The following VRK2 variants were observed in gnomAD, a reference collection of about 807,000 sequenced individuals.
VRK2 encodes the protein serine/threonine-protein kinase VRK2.
VRK2 carries 60 observed loss-of-function variants against 57.6 expected under a neutral mutation model. The ratio of observed to expected loss-of-function variants is 1.04; its 90% CI spans 0.85 to 1.29. The LOEUF (loss-of-function observed/expected upper bound fraction) is 1.29, where lower values mean the gene tolerates loss of function less well. Among genes scored for constraint, VRK2 ranks in the 50% most tolerant of loss-of-function variants. The pLI is 0.00. For missense variants in VRK2, 705 were observed against 588.1 expected (o/e 1.20, Z -2.06); for synonymous variants, 231 against 199.2 (o/e 1.16, Z -1.35).
intron 1 of VRK2, among the ~76,000 whole-genome samples, chr2:57,951,462 T>C (rs1055605321): frequency 3.9e-5 from 6 of 152,218 alleles, no homozygotes; most frequent in Admixed American, 2.6e-4. Flanking sequence ...ACTTAGTTTA[T>C]AAAGTAGCAG....
upstream of VRK2, among the ~76,000 whole-genome samples, chr2:58,043,930 T>A (rs1558557129): frequency 6.6e-6 from 1 of 152,214 alleles, no homozygotes; most frequent in Non-Finnish European, 1.5e-5. Context: ...GAAGTTAAAT[T>A]GTCAATTTCT....
chr2:57,964,879 C>CAAA (rs540446220), intron 1 of VRK2, among the ~76,000 whole-genome samples: 11 of 47,862 alleles, frequency 2.3e-4, no homozygotes, highest in Non-Finnish European at 2.9e-4. Context: ...GAATCCATCT[C>CAAA]AAAAAAAAAA....
At chr2:57,923,390 T>G (rs1670419705) in intron 1 of VRK2, among the ~76,000 whole-genome samples, 1 of 152,068 alleles carries the variant, frequency 6.6e-6, no homozygotes, top group East Asian at 1.9e-4. Flanking sequence ...CACCAGTATT[T>G]GTTATTTCCT....
At chr2:58,030,936 C>G (rs891436286) in intron 2 of VRK2, among the ~76,000 whole-genome samples, 1 of 151,988 alleles carries the variant, frequency 6.6e-6, no homozygotes, top group African/African-American at 2.4e-5. Flanking sequence ...TGTGAGGAAG[C>G]CAAGCTATGC....
chr2:58,048,061 C>T (rs980444739), intron 1 of VRK2, among the ~76,000 whole-genome samples: 3 of 152,138 alleles, frequency 2.0e-5, no homozygotes, highest in Non-Finnish European at 2.9e-5. Context: ...TCTCTTTTAA[C>T]TCAGAATTTC....
upstream of VRK2, chr2:58,046,640 G>A: frequency 1.0e-6 from 1 of 985,576 alleles, no homozygotes; most frequent in Non-Finnish European, 1.2e-6. Flanking sequence ...CGTCTCCGGG[G>A]CGTGGACAGG....
chr2:58,027,279 A>T (rs1316945783), intron 2 of VRK2, among the ~76,000 whole-genome samples: 1 of 152,048 alleles, frequency 6.6e-6, no homozygotes, highest in East Asian at 1.9e-4. Context: ...TCCAGGGACT[A>T]AATGCCTTGC....
chr2:57,911,010 G>T (rs1669969294), intron 1 of VRK2, among the ~76,000 whole-genome samples: 1 of 151,256 alleles, frequency 6.6e-6, no homozygotes, highest in Non-Finnish European at 1.5e-5. Context: ...GGGTCAGACA[G>T]ACTTGAGTTC....
At chr2:57,971,739 T>C (rs963069013) in intron 1 of VRK2, among the ~76,000 whole-genome samples, 1 of 151,814 alleles carries the variant, frequency 6.6e-6, no homozygotes, top group Non-Finnish European at 1.5e-5. Context: ...TGATATTATA[T>C]TATTTTTTCA....
chr2:58,036,310 C>G (rs1674271833), intron 3 of VRK2, among the ~76,000 whole-genome samples: 1 of 151,654 alleles, frequency 6.6e-6, no homozygotes, highest in Non-Finnish European at 1.5e-5. Context: ...AATATATATT[C>G]CTTTAAACTA....
intron 1 of VRK2, among the ~76,000 whole-genome samples, chr2:57,976,526 C>T (rs940641056): frequency 6.6e-6 from 1 of 151,982 alleles, no homozygotes; most frequent in Admixed American, 6.6e-5. Flanking sequence ...AGAAGTATCT[C>T]TTCATGCCAG....
chr2:58,115,475 C>T (rs1247476465), intron 7 of VRK2, among the ~76,000 whole-genome samples: 5 of 152,112 alleles, frequency 3.3e-5, no homozygotes, highest in African/African-American at 4.8e-5. Flanking sequence ...TTTTTAGGGC[C>T]TCTAACAGTA....
intron 1 of VRK2, among the ~76,000 whole-genome samples, chr2:58,001,077 T>C (rs967261638): frequency 6.6e-6 from 1 of 152,220 alleles, no homozygotes; most frequent in East Asian, 1.9e-4. Context: ...CACTTCTTAC[T>C]ATACAGATGA....
chr2:58,092,026 T>A (rs1462094461), intron 7 of VRK2, among the ~76,000 whole-genome samples: 1 of 152,194 alleles, frequency 6.6e-6, no homozygotes, highest in Non-Finnish European at 1.5e-5. Flanking sequence ...AAGATTAGGT[T>A]TTTTGAGATA....
chr2:57,979,919 TTCTC>T (rs1442968099), intron 1 of VRK2, among the ~76,000 whole-genome samples: 3 of 152,176 alleles, frequency 2.0e-5, no homozygotes, highest in Non-Finnish European at 2.9e-5. Flanking sequence ...TTTATTTGGA[TTCTC>T]TCTCTCTTTT....
intron 1 of VRK2, among the ~76,000 whole-genome samples, chr2:58,014,798 C>T (rs1673525128): frequency 6.6e-6 from 1 of 152,086 alleles, no homozygotes; most frequent in Admixed American, 6.5e-5. Flanking sequence ...AAAAAAGAGA[C>T]ACATTAAAGG....
chr2:57,909,227 T>G (rs906798743), intron 1 of VRK2, among the ~76,000 whole-genome samples: 6 of 152,156 alleles, frequency 3.9e-5, no homozygotes, highest in African/African-American at 9.7e-5. Context: ...TTGTATAAAG[T>G]AAAAATATCA....
At chr2:58,151,027 T>C (rs1291206743) in intron 12 of VRK2, among the ~76,000 whole-genome samples, 2 of 151,722 alleles carry the variant, frequency 1.3e-5, no homozygotes, top group Non-Finnish European at 3.0e-5. Flanking sequence ...TCACTGAAAC[T>C]TATTTTGTCA....
At chr2:58,019,686 C>T (rs1410749705) in intron 1 of VRK2, among the ~76,000 whole-genome samples, 3 of 152,186 alleles carry the variant, frequency 2.0e-5, no homozygotes, top group Non-Finnish European at 4.4e-5. Flanking sequence ...TGATATTATT[C>T]ACCAAGCTGA....
Sources: allele counts gnomAD v4.1 joint callset (sites outside exome capture counted in the v4.1 genomes callset), GRCh38; gene constraint gnomAD v4.1.1; transcripts MANE v1.5; gene names NCBI Gene and HGNC (gene_info 2026-07-23, HGNC 2026-07-21).